Variants in RHOBTB3 observed in about 807,000 individuals in gnomAD.
RHOBTB3 encodes rho-related BTB domain-containing protein 3.
RHOBTB3 carries 47 observed loss-of-function variants against 67.2 expected under a neutral mutation model. The ratio of observed to expected loss-of-function variants is 0.70; its 90% CI spans 0.55 to 0.89. RHOBTB3 has a LOEUF of 0.89. Ranked by LOEUF, RHOBTB3 falls within the 40% of genes least tolerant of loss-of-function variation. The pLI is 0.00. For synonymous variants in RHOBTB3, 273 were observed against 274.2 expected, an observed-to-expected ratio of 1.00 and a Z score of 0.04; for missense variants, 631 against 750.0, an observed-to-expected ratio of 0.84 and a Z score of 1.85.
At chr5:95,791,532 T>G (rs3822752) in intron 11 of RHOBTB3, among the ~76,000 whole-genome samples, 23,206 of 152,184 alleles carry the variant, frequency 0.15, 2,159 homozygotes, top group South Asian at 0.24. Context: ...CTCTTGAAAC[T>G]TAGAGCTGAG....
chr5:95,731,073 C>G (rs1755216138), upstream of RHOBTB3: 1 of 1,086,996 alleles, frequency 9.2e-7, no homozygotes, highest in Non-Finnish European at 1.1e-6. Flanking sequence ...AACAAACTTG[C>G]TGCAGGCGGA....
chr5:95,731,257 C>G (rs953346853), upstream of RHOBTB3: 48 of 1,005,722 alleles, frequency 4.8e-5, no homozygotes, highest in African/African-American at 7.8e-4. Context: ...GTGCTGCGCC[C>G]GGTCCGCTGA....
At position 95,734,127 on chromosome 5, in the gene RHOBTB3, T is replaced by C. The variant is rs555541091; in HGVS notation, c.228+2043T>C. Reference sequence around the variant, plus strand: ...ATATAAAAATAAAGTGTTACAACTTTAGTTATGTATCACTTATATTAATAC... The same window carrying C: ...ATATAAAAATAAAGTGTTACAACTTCAGTTATGTATCACTTATATTAATAC... On this transcript the variant is annotated intron_variant, in intron 2 of 11. Coordinates refer to ENST00000379982, the MANE Select transcript of RHOBTB3 (RefSeq NM_014899.4). Among the ~76,000 whole-genome samples, 3 of 152,340 alleles carry C rather than the reference T, an allele frequency of 2.0e-5. No individual in the cohort carries two copies. In the South Asian group the frequency reaches 6.2e-4, roughly 32 times the overall value.
At chr5:95,727,982 A>G (rs182030143), upstream of RHOBTB3, among the ~76,000 whole-genome samples, 2 of 152,338 alleles carry the variant, frequency 1.3e-5, no homozygotes, top group Non-Finnish European at 2.9e-5. Flanking sequence ...CCTGGCTTCA[A>G]GGTTGACCTG....
intron 3 of RHOBTB3, among the ~76,000 whole-genome samples, chr5:95,742,331 A>T (rs1755623916): frequency 6.6e-6 from 1 of 152,212 alleles, no homozygotes; most frequent in South Asian, 2.1e-4. Flanking sequence ...GAAATACAAG[A>T]TCCTTCATGA....
intron 8 of RHOBTB3, among the ~76,000 whole-genome samples, chr5:95,775,300 G>A (rs1745836579): frequency 6.6e-6 from 1 of 151,618 alleles, no homozygotes; most frequent in East Asian, 1.9e-4. Flanking sequence ...CAAAGAAAAT[G>A]CTTATTGGAG....
chr5:95,780,797 G>A (rs1746025916), intron 9 of RHOBTB3, among the ~76,000 whole-genome samples: 1 of 152,176 alleles, frequency 6.6e-6, no homozygotes, highest in South Asian at 2.1e-4. Flanking sequence ...ACAAGAAGAG[G>A]AGGGTTGCGC....
upstream of RHOBTB3, among the ~76,000 whole-genome samples, chr5:95,728,843 G>GCCAAAACCCA (rs1332010060): frequency 1.3e-5 from 2 of 152,126 alleles, no homozygotes; most frequent in East Asian, 3.8e-4. Flanking sequence ...AAAGAAGCCG[G>GCCAAAACCCA]CCAAAACCCA....
At chr5:95,791,698 TTTTTC>T (rs1264715094) in intron 11 of RHOBTB3, among the ~76,000 whole-genome samples, 4 of 152,058 alleles carry the variant, frequency 2.6e-5, no homozygotes, top group South Asian at 2.1e-4. Flanking sequence ...ACCCAGCTAA[TTTTTC>T]TTTTCTTTTC....
rs1392906961 is a variant in RHOBTB3 at position 95,793,896 on chromosome 5, TTAA to T, written c.*727_*729del. 4 of 429,886 alleles carry T rather than the reference TTAA, an allele frequency of 9.3e-6. No homozygotes were observed. The highest frequency in any genetic ancestry group is 6.1e-5 in the African/African-American group (3 of 48,928). 26.6% of individuals were successfully genotyped at this position (429,886 alleles called of 1,614,324 possible). ...CAAGGCTCTGCTATAGCGGAAATTC[TTAA>T]TAATGTTTGAAGAAGGGCCCCATGA... is the stretch of plus-strand genomic sequence containing the variant. On this transcript the variant is annotated 3_prime_UTR_variant, in exon 12 of 12. Transcript: ENST00000379982.
intron 8 of RHOBTB3, among the ~76,000 whole-genome samples, chr5:95,778,090 G>A (rs906508369): frequency 6.6e-6 from 1 of 151,456 alleles, no homozygotes; most frequent in Non-Finnish European, 1.5e-5. Flanking sequence ...CCGTACTCCA[G>A]CCTGGACGAC....
chr5:95,743,512 G>A (rs147879705), intron 3 of RHOBTB3, among the ~76,000 whole-genome samples: 40 of 152,014 alleles, frequency 2.6e-4, no homozygotes, highest in African/African-American at 8.9e-4. Flanking sequence ...AGGCCTCTTC[G>A]GTCCTGTACT....
rs1488038053 is a variant in RHOBTB3, at chr5:95,780,413, T to A, written c.1444T>A (p.Ser482Thr). ...ATTTTTAGAATACCTGTACACAGAC[T>A]CCTGCTGCCCAGGTTAGCAATACAA... ...LSFLEYLYTD[S>T]CCPAGIFQAM... The change falls in exon 9 of 12, where the codon TCC becomes ACC. Residue 482 changes from serine to threonine, a missense_variant. Transcript: ENST00000379982. 1 of 1,613,896 alleles carries A rather than the reference T, an allele frequency of 6.2e-7. No homozygotes were observed. The highest frequency in any genetic ancestry group is 2.2e-5 in the East Asian group (1 of 44,880).
At chr5:95,748,259 T>C (rs1561443652) in intron 3 of RHOBTB3, 74 bp from the exon 4 acceptor site, 2 of 1,112,134 alleles carry the variant, frequency 1.8e-6, no homozygotes, top group Non-Finnish European at 2.6e-6. Context: ...TGTTGTTTAA[T>C]GTTCAGATTG....
In RHOBTB3 at chr5:95,793,198, T is replaced by TTCCTG; in HGVS notation, c.*26_*27insCTGTC. Reference sequence around the variant, plus strand: ...AACCTGGAGCTTTTATACACTACATTTCTTTTTTATTATTATGAAGAATGG... The same window carrying TTCCTG: ...AACCTGGAGCTTTTATACACTACATTTCCTGTCTTTTTTATTATTATGAAGAATGG... On this transcript the variant is annotated 3_prime_UTR_variant, in exon 12 of 12. Transcript: ENST00000379982. The TTCCTG allele has an allele frequency of 7.0e-7, 1 of 1,428,072 alleles. No individual in the cohort carries two copies. The highest frequency in any genetic ancestry group is 9.7e-7 in the Non-Finnish European group (1 of 1,029,150). The allele number at this position is 1,428,072 out of a possible 1,614,324, so 88.5% of individuals were successfully genotyped here.
chr5:95,734,546 C>A (rs1272854730), intron 2 of RHOBTB3, among the ~76,000 whole-genome samples: 1 of 152,102 alleles, frequency 6.6e-6, no homozygotes, highest in Non-Finnish European at 1.5e-5. Flanking sequence ...TTAGCCTTAC[C>A]CTGGATCCTT....
intron 6 of RHOBTB3, among the ~76,000 whole-genome samples, chr5:95,760,609 T>C (rs1457320760): frequency 6.6e-6 from 1 of 152,244 alleles, no homozygotes; most frequent in African/African-American, 2.4e-5. Context: ...CTAGTATACA[T>C]GAGTATACCA....
upstream of RHOBTB3, chr5:95,730,737 T>C: frequency 3.2e-6 from 1 of 312,860 alleles, no homozygotes; most frequent in Non-Finnish European, 6.5e-6. Context: ...TAGCTTGAAA[T>C]AGTAAATAAT....
At chr5:95,747,932 T>A (rs1285382543) in intron 3 of RHOBTB3, among the ~76,000 whole-genome samples, 1 of 152,216 alleles carries the variant, frequency 6.6e-6, no homozygotes, top group Admixed American at 6.5e-5. Flanking sequence ...AAGTTTATTA[T>A]ATTAAAAAAG....
Sources: allele counts gnomAD v4.1 joint callset (sites outside exome capture counted in the v4.1 genomes callset), GRCh38; gene constraint gnomAD v4.1.1; transcripts MANE v1.5; gene names NCBI Gene and HGNC (gene_info 2026-07-23, HGNC 2026-07-21).